EPM2A: variants seen among roughly 807,000 people sequenced by gnomAD.
The protein encoded by EPM2A is laforin.
A neutral mutation model predicts 26.5 loss-of-function variants in EPM2A; 21 were observed. That is an observed-to-expected ratio of 0.79 (90% CI 0.56 to 1.14). The LOEUF is 1.14. EPM2A is among the 50% of genes most tolerant of loss of function. EPM2A has a pLI of 0.00. For synonymous variants in EPM2A, 217 were observed against 177.6 expected, an observed-to-expected ratio of 1.22 and a Z score of -1.76; for missense variants, 458 against 440.8, an observed-to-expected ratio of 1.04 and a Z score of -0.35.
intron 2 of EPM2A, among the ~76,000 whole-genome samples, chr6:145,611,410 T>A (rs1775389151): frequency 2.0e-5 from 3 of 151,972 alleles, no homozygotes. Context: ...TATATAATGA[T>A]CAAATACCTT....
chr6:145,479,993 C>A (rs918861687), intron 4 of EPM2A, among the ~76,000 whole-genome samples: 2 of 151,986 alleles, frequency 1.3e-5, no homozygotes, highest in African/African-American at 4.8e-5. Flanking sequence ...TTTTGATTTT[C>A]AATTTCGTAA....
chr6:145,708,244 T>A (rs1219905334), intron 1 of EPM2A, among the ~76,000 whole-genome samples: 2 of 152,208 alleles, frequency 1.3e-5, no homozygotes, highest in Admixed American at 6.5e-5. Flanking sequence ...ACGCATTTTC[T>A]GGGGAAAAAA....
In EPM2A at chr6:145,409,829, T is replaced by C. The variant is rs539316559; in HGVS notation, c.556-25732A>G. The stretch of plus-strand genomic sequence containing the variant: ...GAGGTTTACTCATGTGGCTGGCAAA[T>C]TAATGCTGGCTAATTGGTTCCTATC... On this transcript the variant is annotated intron_variant, in intron 4 of 4. Coordinates refer to the EPM2A transcript ENST00000638717. Among the ~76,000 whole-genome samples the C allele has an allele frequency of 2.0e-5, 3 of 152,318 alleles. No homozygotes were observed. In the East Asian group the frequency reaches 5.8e-4, roughly 29 times the overall value.
At chr6:145,684,312 G>A (rs1383643506) in intron 2 of EPM2A, among the ~76,000 whole-genome samples, 4 of 152,052 alleles carry the variant, frequency 2.6e-5, no homozygotes, top group Admixed American at 2.6e-4. Flanking sequence ...CAATCAAGGA[G>A]AAGAAATAAT....
At chr6:145,469,907 T>C (rs549180873) in intron 4 of EPM2A, among the ~76,000 whole-genome samples, 3 of 152,234 alleles carry the variant, frequency 2.0e-5, no homozygotes, top group African/African-American at 7.2e-5. Flanking sequence ...TGTTAAGTGA[T>C]AAAGCCAGGC....
rs959323995 is a variant in EPM2A at position 145,626,282 on chromosome 6, G to T, written c.*1134C>A. On this transcript the variant is annotated 3_prime_UTR_variant, in exon 4 of 4. Coordinates refer to ENST00000367519, the MANE Select transcript of EPM2A (RefSeq NM_005670.4). ...AGAACCTAGGGTGATGAGCTGCATA[G>T]TCTGGAGGCACAGGAACTGCATATT... 1.0e-6 allele frequency: 1 copy of T among 987,294 alleles called. No individual in the cohort carries two copies. Among genetic ancestry groups the T allele is most frequent in the Non-Finnish European group, 1.2e-6 (1 of 831,060 alleles). 61.2% of individuals were successfully genotyped at this position (987,294 alleles called of 1,614,324 possible). A position where few individuals can be genotyped will look rare whatever the true frequency, so the allele number is the denominator to read the frequency against.
rs7767079 is a variant in EPM2A, at chr6:145,436,229, T to C, written c.556-52132A>G. On this transcript the variant is annotated intron_variant, in intron 4 of 4. Transcript: ENST00000638717. ...TGCATTGTACAGATATATCACATATTGTTTATTCAGTAATCAGTTAATGGA... is the reference window on the plus strand; with the variant it reads ...TGCATTGTACAGATATATCACATATCGTTTATTCAGTAATCAGTTAATGGA... Among the ~76,000 whole-genome samples, 1,515 of 152,330 alleles carry C rather than the reference T, an allele frequency of 9.9e-3. 24 individuals carry two copies. The highest frequency in any genetic ancestry group is 0.035 in the African/African-American group (1,449 of 41,576).
intron 2 of EPM2A, among the ~76,000 whole-genome samples, chr6:145,549,190 A>G (rs1196646076): frequency 6.6e-6 from 1 of 152,166 alleles, no homozygotes; most frequent in African/African-American, 2.4e-5. Context: ...ATGTGTTGTG[A>G]GCCACAGACA....
intron 4 of EPM2A, among the ~76,000 whole-genome samples, chr6:145,404,192 A>G (rs1778535580): frequency 2.0e-5 from 3 of 151,916 alleles, no homozygotes; most frequent in Non-Finnish European, 4.4e-5. Context: ...GTAGTTTGCA[A>G]ATATTTTCTC....
Position 145,735,345 on chromosome 6 carries a change from GGGCCCCGTCGCCCGCCGCGGTGCCGGCC to G in EPM2A, c.126_153del (p.Ala43TrpfsTer38). On this transcript the variant is annotated frameshift_variant, in exon 1 of 4. Coordinates refer to ENST00000367519, the MANE Select transcript of EPM2A (RefSeq NM_005670.4). LOFTEE classifies it high-confidence loss of function. ...CACAGGCCCGGCTCCTGCAGGGCCAGGGCCCCGTCGCCCGCCGCGGTGCCGGCCGGCCTCAGGCGGACGGCACCGCGCG... is the reference window on the plus strand; with the variant it reads ...CACAGGCCCGGCTCCTGCAGGGCCAGGGCCTCAGGCGGACGGCACCGCGCG... 7.4e-7 allele frequency: 1 copy of G among 1,347,940 alleles called. No homozygotes were observed. Among genetic ancestry groups the G allele is most frequent in the South Asian group, 1.7e-5 (1 of 58,664 alleles). 83.5% of individuals were successfully genotyped at this position (1,347,940 alleles called of 1,614,324 possible).
chr6:145,678,281 T>G (rs1780222175), intron 2 of EPM2A, among the ~76,000 whole-genome samples: 1 of 151,866 alleles, frequency 6.6e-6, no homozygotes, highest in African/African-American at 2.4e-5. Flanking sequence ...ATGTTAGACC[T>G]AAAACCATAA....
intron 1 of EPM2A, among the ~76,000 whole-genome samples, chr6:145,712,551 C>G (rs1438884473): frequency 6.6e-6 from 1 of 152,124 alleles, no homozygotes; most frequent in Admixed American, 6.6e-5. Context: ...GTGGCCCAAT[C>G]AAACCACAAG....
intron 4 of EPM2A, among the ~76,000 whole-genome samples, chr6:145,448,876 T>A (rs1779157396): frequency 7.7e-6 from 1 of 129,420 alleles, no homozygotes; most frequent in Admixed American, 8.0e-5. Flanking sequence ...TTCTCTTAGT[T>A]GTTTAACTTA....
chr6:145,590,312 T>C (rs916597767), intron 2 of EPM2A, among the ~76,000 whole-genome samples: 9 of 152,000 alleles, frequency 5.9e-5, no homozygotes, highest in Non-Finnish European at 1.3e-4. Context: ...TTTTTAAATA[T>C]ACCAACTATT....
At chr6:145,731,997 G>A (rs148375414) in intron 1 of EPM2A, among the ~76,000 whole-genome samples, 1 of 152,256 alleles carries the variant, frequency 6.6e-6, no homozygotes, top group East Asian at 1.9e-4. Context: ...TGTACCAAAT[G>A]ATCAATCAAG....
intron 2 of EPM2A, among the ~76,000 whole-genome samples, chr6:145,642,755 T>G (rs1777181463): frequency 6.6e-6 from 1 of 152,122 alleles, no homozygotes; most frequent in African/African-American, 2.4e-5. Context: ...GAGAGTCAGG[T>G]ATACTTTAGG....
chr6:145,471,570 A>T (rs1562348448), intron 4 of EPM2A, among the ~76,000 whole-genome samples: 1 of 151,952 alleles, frequency 6.6e-6, no homozygotes, highest in East Asian at 1.9e-4. Context: ...CCCACTCCCC[A>T]CTCCAGGCAG....
intron 2 of EPM2A, among the ~76,000 whole-genome samples, chr6:145,534,156 G>A (rs542969673): frequency 6.6e-6 from 1 of 152,258 alleles, no homozygotes; most frequent in African/African-American, 2.4e-5. Context: ...TTTACTCACA[G>A]ATAATCTTTG....
intron 2 of EPM2A, among the ~76,000 whole-genome samples, chr6:145,599,869 T>C (rs1219966093): frequency 1.3e-5 from 2 of 152,116 alleles, no homozygotes; most frequent in East Asian, 3.8e-4. Flanking sequence ...AATTTCCCTC[T>C]ATATTCTTTA....
Sources: allele counts gnomAD v4.1 joint callset (sites outside exome capture counted in the v4.1 genomes callset), GRCh38; gene constraint gnomAD v4.1.1; transcripts MANE v1.5; gene names NCBI Gene and HGNC (gene_info 2026-07-23, HGNC 2026-07-21).